The following FBXO36 variants were observed in gnomAD, a reference collection of about 807,000 sequenced individuals.
The protein encoded by FBXO36 is F-box only protein 36.
In FBXO36, 18 loss-of-function variants were observed where a neutral mutation model predicts 17.0. The observed-to-expected ratio is 1.06, with a 90% CI of 0.73 to 1.57. The LOEUF is 1.57. Among genes scored for constraint, FBXO36 ranks in the 40% most tolerant of loss-of-function variants. The probability of loss-of-function intolerance (pLI) is 0.00; values close to 1 mark genes in which losing one functional copy is unlikely to be tolerated. For synonymous variants in FBXO36, 83 were observed against 85.3 expected, an observed-to-expected ratio of 0.97 and a Z score of 0.15; for missense variants, 229 against 221.9, an observed-to-expected ratio of 1.03 and a Z score of -0.20.
chr2:229,999,034 C>T (rs533356519), intron 3 of FBXO36, among the ~76,000 whole-genome samples: 1 of 151,512 alleles, frequency 6.6e-6, no homozygotes, highest in East Asian at 1.9e-4. Context: ...GATCTCCTGA[C>T]GTTGTGATCT....
At chr2:229,984,761 C>A (rs1382587043) in intron 2 of FBXO36, among the ~76,000 whole-genome samples, 2 of 151,938 alleles carry the variant, frequency 1.3e-5, no homozygotes, top group Non-Finnish European at 2.9e-5. Context: ...CATAAAGTCC[C>A]CTGTTCTTTT....
intron 1 of FBXO36, among the ~76,000 whole-genome samples, chr2:229,934,728 C>T (rs147392142): frequency 0.012 from 1,768 of 152,244 alleles, 17 homozygotes; most frequent in Non-Finnish European, 0.016. Flanking sequence ...GATCTTGGCT[C>T]GCTGCAACCT....
intron 2 of FBXO36, among the ~76,000 whole-genome samples, chr2:229,991,572 C>T (rs537470273): frequency 6.6e-6 from 1 of 152,332 alleles, no homozygotes; most frequent in East Asian, 1.9e-4. Context: ...AGAATGAAAG[C>T]TACCTTGCTG....
chr2:229,935,682 C>A (rs1459872934), intron 1 of FBXO36, among the ~76,000 whole-genome samples: 1 of 152,110 alleles, frequency 6.6e-6, no homozygotes, highest in Non-Finnish European at 1.5e-5. Flanking sequence ...CCTGTCCTTA[C>A]ATTAGTGGAT....
intron 1 of FBXO36, among the ~76,000 whole-genome samples, chr2:229,963,753 T>C (rs1263210535): frequency 1.3e-5 from 2 of 152,158 alleles, no homozygotes; most frequent in African/African-American, 4.8e-5. Flanking sequence ...CTATCCTTTG[T>C]GTTTCTTATG....
intron 3 of FBXO36, among the ~76,000 whole-genome samples, chr2:230,009,904 C>T (rs1460984115): frequency 6.6e-6 from 1 of 151,984 alleles, no homozygotes; most frequent in Non-Finnish European, 1.5e-5. Flanking sequence ...CGAGATCGCA[C>T]CCCTGCACTC....
At chr2:229,978,277 G>GA (rs1278365826) in intron 2 of FBXO36, among the ~76,000 whole-genome samples, 15 of 142,484 alleles carry the variant, frequency 1.1e-4, no homozygotes, top group Non-Finnish European at 2.0e-4. Flanking sequence ...AACAGAGCAA[G>GA]AATGTCTCAA....
intron 1 of FBXO36, among the ~76,000 whole-genome samples, chr2:229,924,151 C>T (rs1274489367): frequency 1.3e-5 from 2 of 152,072 alleles, no homozygotes; most frequent in African/African-American, 2.4e-5. Context: ...AGTGCAGTGG[C>T]GCGATCTCAG....
intron 1 of FBXO36, among the ~76,000 whole-genome samples, chr2:229,967,108 G>T (rs1054215741): frequency 6.6e-6 from 1 of 152,076 alleles, no homozygotes; most frequent in African/African-American, 2.4e-5. Flanking sequence ...TTGTAAGTTG[G>T]ATTCCTAGGT....
At chr2:229,944,938 T>C (rs1225714746) in intron 1 of FBXO36, among the ~76,000 whole-genome samples, 1 of 152,068 alleles carries the variant, frequency 6.6e-6, no homozygotes, top group Non-Finnish European at 1.5e-5. Flanking sequence ...TTTAGTTAGG[T>C]TTATTTAGAA....
At chr2:229,925,585 GC>G (rs2076908071) in intron 1 of FBXO36, among the ~76,000 whole-genome samples, 1 of 151,280 alleles carries the variant, frequency 6.6e-6, no homozygotes, top group South Asian at 2.1e-4. Context: ...TCCAAATTAT[GC>G]CCCAGATTTA....
At chr2:229,954,857 GT>G (rs1193446999) in intron 1 of FBXO36, among the ~76,000 whole-genome samples, 16 of 139,606 alleles carry the variant, frequency 1.1e-4, no homozygotes, top group South Asian at 9.4e-4. Context: ...TTTTTTGTTT[GT>G]TTTTTTTTTG....
chr2:230,010,727 T>C lies in FBXO36; in HGVS notation c.410T>C (p.Ile137Thr), dbSNP rs753089890. ...LCMSDKLWEQ[I>T]VQSTCDTITP... is the part of the protein sequence containing the mutation. ...ATGTCTGATAAACTGTGGGAACAGATAGTCCAGTCGACCTGCGACACCATC... is the reference window on the plus strand; with the variant it reads ...ATGTCTGATAAACTGTGGGAACAGACAGTCCAGTCGACCTGCGACACCATC... The change falls in exon 4 of 4, where the codon ATA becomes ACA. Residue 137 changes from isoleucine to threonine, a missense_variant. By Grantham distance (89) the Ile-to-Thr change is moderately conservative. Coordinates refer to ENST00000283946, the MANE Select transcript of FBXO36 (RefSeq NM_174899.5). The C allele has an allele frequency of 1.9e-6, 3 of 1,613,450 alleles. No homozygotes were observed. The highest frequency in any genetic ancestry group is 2.5e-6 in the Non-Finnish European group (3 of 1,179,474).
At chr2:229,926,679 G>A (rs2076913921) in intron 1 of FBXO36, among the ~76,000 whole-genome samples, 1 of 149,718 alleles carries the variant, frequency 6.7e-6, no homozygotes. Context: ...AGGAGACAAA[G>A]GTTGCAGTGA....
chr2:229,973,774 C>T (rs1343552552), intron 1 of FBXO36, among the ~76,000 whole-genome samples: 1 of 150,056 alleles, frequency 6.7e-6, no homozygotes, highest in African/African-American at 2.5e-5. Context: ...CGGCTGGGCA[C>T]AGTGGCTCAT....
At chr2:229,935,532 AAATAAT>A (rs1156236000) in intron 1 of FBXO36, among the ~76,000 whole-genome samples, 5 of 151,986 alleles carry the variant, frequency 3.3e-5, no homozygotes, top group Non-Finnish European at 4.4e-5. Flanking sequence ...AAATAAATAA[AAATAAT>A]AATAATAATA....
chr2:229,996,140 TG>T (rs2077325942), intron 2 of FBXO36, among the ~76,000 whole-genome samples: 1 of 151,632 alleles, frequency 6.6e-6, no homozygotes, highest in South Asian at 2.1e-4. Context: ...TAGCCAGGCA[TG>T]GTGGCACACA....
chr2:229,926,181 G>A (rs1294720237), intron 1 of FBXO36, among the ~76,000 whole-genome samples: 1 of 149,166 alleles, frequency 6.7e-6, no homozygotes, highest in Non-Finnish European at 1.5e-5. Flanking sequence ...TGTAATCTCA[G>A]CACTTTGGGA....
At chr2:229,952,232 A>G (rs2077061330) in intron 1 of FBXO36, among the ~76,000 whole-genome samples, 1 of 152,080 alleles carries the variant, frequency 6.6e-6, no homozygotes, top group African/African-American at 2.4e-5. Context: ...TTTTCCCTCT[A>G]GTTTCTGCTT....
Sources: allele counts gnomAD v4.1 joint callset (sites outside exome capture counted in the v4.1 genomes callset), GRCh38; gene constraint gnomAD v4.1.1; transcripts MANE v1.5; gene names NCBI Gene and HGNC (gene_info 2026-07-23, HGNC 2026-07-21).